Variants in PCDHGA3 observed in about 807,000 individuals in gnomAD.
The protein encoded by PCDHGA3 is protocadherin gamma subfamily A, 3.
Under a neutral mutation model 58.5 loss-of-function variants are expected in PCDHGA3, and 40 were observed. The observed-to-expected ratio is 0.68, with a 90% CI of 0.53 to 0.89. PCDHGA3 has a LOEUF of 0.89. Ranked by LOEUF, PCDHGA3 falls within the 40% of genes least tolerant of loss-of-function variation. The pLI, the probability that PCDHGA3 is intolerant of heterozygous loss-of-function variation, is 0.00. For synonymous variants in PCDHGA3, 530 were observed against 525.7 expected (o/e 1.01, Z -0.11); for missense variants, 1,223 against 1,195.9 (o/e 1.02, Z -0.33).
chr5:141,344,519 A>T lies in PCDHGA3; in HGVS notation c.486A>T (p.Val162=). The T allele has an allele frequency of 6.2e-7, 1 of 1,613,986 alleles. No homozygotes were observed. ...TTAAAACTGCTTTTGACCCAGATGT[A>T]GGCATTAACTCCCTGCAGAACTACA... ...FPIKTAFDPD[V]GINSLQNYKL... The change falls in exon 1 of 4, where the codon GTA becomes GTT. Residue 162 remains valine, a synonymous_variant. Transcript: ENST00000253812.
In PCDHGA3 at chr5:141,432,287, G is replaced by A. The variant is rs189131107; in HGVS notation, c.2425-62520G>A. On this transcript the variant is annotated intron_variant, in intron 1 of 3. Transcript: ENST00000253812. This position sits in a 1 kb window ranked among gnomAD's most constrained non-coding sequence, Gnocchi z 6.0. ...ATCGTCCTACGTGTCCATCAACTCC[G>A]ACACTGGGGTACTGTATGCGCTGAG... The A allele has an allele frequency of 2.3e-4, 365 of 1,614,216 alleles. 2 individuals carry two copies. In the East Asian group the frequency reaches 6.5e-3, roughly 29 times the overall value.
chr5:141,398,018 A>G, intron 1 of PCDHGA3: 1 of 1,425,774 alleles, frequency 7.0e-7, no homozygotes, highest in East Asian at 2.5e-5. Flanking sequence ...TCGTTTCCTA[A>G]ACTGGAACTG....
chr5:141,393,684 T>A, intron 1 of PCDHGA3: 1 of 1,613,904 alleles, frequency 6.2e-7, no homozygotes, highest in Non-Finnish European at 8.5e-7. Flanking sequence ...ACAAACTCCG[T>A]TATTCCAGCT....
intron 1 of PCDHGA3, chr5:141,382,848 A>G (rs543706507): frequency 5.5e-4 from 813 of 1,490,648 alleles, no homozygotes; most frequent in Non-Finnish European, 6.7e-4. Flanking sequence ...ATACACCCGC[A>G]TTCTGAAGCA....
intron 1 of PCDHGA3, chr5:141,400,271 C>G: frequency 1.2e-6 from 2 of 1,614,094 alleles, no homozygotes; most frequent in Non-Finnish European, 1.7e-6. Flanking sequence ...CGACGCTCCT[C>G]CAGCCCTGCC....
intron 1 of PCDHGA3, among the ~76,000 whole-genome samples, chr5:141,362,928 G>A (rs1457664363): frequency 6.6e-6 from 1 of 152,184 alleles, no homozygotes; most frequent in Non-Finnish European, 1.5e-5. Context: ...AGTAAAGAGA[G>A]TCTTCATTTT....
chr5:141,366,264 C>T, intron 1 of PCDHGA3: 1 of 1,613,686 alleles, frequency 6.2e-7, no homozygotes, highest in East Asian at 2.2e-5. Flanking sequence ...CTCGTGGTGG[C>T]CGTCGAAGAC....
At chr5:141,423,495 C>T in intron 1 of PCDHGA3, 1 of 1,613,946 alleles carries the variant, frequency 6.2e-7, no homozygotes, top group African/African-American at 1.3e-5. Context: ...CCTATTCCCA[C>T]GAGGTCTCTC....
chr5:141,511,135 G>A lies in PCDHGA3; in HGVS notation c.2761G>A (p.Gly921Ser), dbSNP rs200541479. Residue 921 changes from glycine to serine, a missense_variant, in exon 4 of 4, where the codon GGC becomes AGC. Physicochemically the swap from Gly to Ser is moderately conservative, Grantham distance 56. Coordinates refer to ENST00000253812, the MANE Select transcript of PCDHGA3 (RefSeq NM_018916.4). The stretch of plus-strand genomic sequence containing the variant: ...TGGCAAGGCCCCAGCAGGTGGCAAT[G>A]GCAACAAGAAGAAGTCGGGCAAGAA... ...RDGKAPAGGN[G>S]NKKKSGKKEK... 2.8e-4 allele frequency: 448 copies of A among 1,614,188 alleles called. No homozygotes were observed. Among genetic ancestry groups the A allele is most frequent in the Non-Finnish European group, 3.0e-4 (352 of 1,180,016 alleles).
At chr5:141,369,977 G>T (rs1398752319) in intron 1 of PCDHGA3, among the ~76,000 whole-genome samples, 1 of 152,202 alleles carries the variant, frequency 6.6e-6, no homozygotes, top group African/African-American at 2.4e-5. Flanking sequence ...AAAGGTACTT[G>T]ATTTGGATGG....
At chr5:141,423,251 ACCTCGGCAG>A (rs770264100) in intron 1 of PCDHGA3, 3 of 1,613,726 alleles carry the variant, frequency 1.9e-6, no homozygotes, top group African/African-American at 2.7e-5. Flanking sequence ...GTCCTGGCGG[ACCTCGGCAG>A]CCTCGAGTCT....
chr5:141,465,519 T>C (rs2099104752), intron 1 of PCDHGA3, among the ~76,000 whole-genome samples: 1 of 152,224 alleles, frequency 6.6e-6, no homozygotes, highest in East Asian at 1.9e-4. Context: ...GGAAGGATTC[T>C]GGGGAAGTTT....
chr5:141,408,526 T>C, intron 1 of PCDHGA3: 3 of 1,614,028 alleles, frequency 1.9e-6, no homozygotes, highest in Non-Finnish European at 2.5e-6. Flanking sequence ...AATTGGAAGC[T>C]GTGGTGGAAA....
Position 141,364,330 on chromosome 5 carries a change from A to C in PCDHGA3, c.2424+17873A>C, listed in dbSNP as rs765774882. The C allele has an allele frequency of 8.9e-5, 137 of 1,531,760 alleles. 1 individual carries two copies. The highest frequency in any genetic ancestry group is 7.0e-6 in the Non-Finnish European group (8 of 1,143,452). The allele number at this position is 1,531,760 out of a possible 1,614,324, so 94.9% of individuals were successfully genotyped here. On this transcript the variant is annotated intron_variant, in intron 1 of 3. Transcript: ENST00000253812. ...AGAGAAAATTGGGCAGAGAGAAGGC[A>C]ATGGCGAGTCCACCTAGGGGCTGGG...
At chr5:141,362,275 C>A (rs757133043) in intron 1 of PCDHGA3, 3 of 1,613,924 alleles carry the variant, frequency 1.9e-6, no homozygotes, top group African/African-American at 1.3e-5. Flanking sequence ...AATCTCCCTG[C>A]GCCTGCGACT....
Position 141,408,177 on chromosome 5 carries a change from G to A in PCDHGA3, c.2424+61720G>A, listed in dbSNP as rs1359754385. 7.2e-6 allele frequency: 11 copies of A among 1,534,346 alleles called. 1 individual carries two copies. In the South Asian group the frequency reaches 1.3e-4, roughly 19 times the overall value. ...GCACTTTCTCCAACTGGAAAAGCGGGGACCCAGCGAGAACCCGAGCGAACG... is the reference window on the plus strand; with the variant it reads ...GCACTTTCTCCAACTGGAAAAGCGGAGACCCAGCGAGAACCCGAGCGAACG... On this transcript the variant is annotated intron_variant, in intron 1 of 3. Transcript: ENST00000253812.
intron 1 of PCDHGA3, chr5:141,440,034 A>T (rs995962283): frequency 6.5e-6 from 1 of 153,052 alleles, no homozygotes; most frequent in African/African-American, 2.4e-5. Context: ...AGTGTCGAGG[A>T]CATGCCCACT....
chr5:141,360,212 C>G (rs17097231), intron 1 of PCDHGA3: 158,148 of 1,612,832 alleles, frequency 0.098, 8,576 homozygotes, highest in African/African-American at 0.15. Flanking sequence ...TCTTTGTTCC[C>G]CGGGGCTCTC....
intron 1 of PCDHGA3, chr5:141,365,776 C>A (rs764374830): frequency 6.2e-7 from 1 of 1,613,892 alleles, no homozygotes; most frequent in East Asian, 2.2e-5. Flanking sequence ...CCGACAGCGG[C>A]GACAACGCTC....
Sources: allele counts gnomAD v4.1 joint callset (sites outside exome capture counted in the v4.1 genomes callset), GRCh38; gene constraint gnomAD v4.1.1; non-coding constraint Gnocchi (gnomAD v3.1); transcripts MANE v1.5; gene names NCBI Gene and HGNC (gene_info 2026-07-23, HGNC 2026-07-21).